The following BRCA2 variants were observed in gnomAD, a reference collection of about 807,000 sequenced individuals.
BRCA2 encodes breast cancer type 2 susceptibility protein.
Under a neutral mutation model 276.7 loss-of-function variants are expected in BRCA2, and 203 were observed. The observed-to-expected ratio is 0.73, with a 90% confidence interval of 0.65 to 0.82. The LOEUF is 0.82. Among genes scored for constraint, BRCA2 ranks in the 40% least tolerant of loss-of-function variants. The pLI, the probability that BRCA2 is intolerant of heterozygous loss-of-function variation, is 0.00. For synonymous variants in BRCA2, 1,289 were observed against 1,338.4 expected, an observed-to-expected ratio of 0.96 and a Z score of 0.81; for missense variants, 3,920 against 3,915.0, an observed-to-expected ratio of 1.00 and a Z score of -0.03.
intron 9 of BRCA2, 37 bp downstream of exon 9, chr13:32,331,067 G>A (rs1354779950): frequency 6.8e-7 from 1 of 1,462,850 alleles, no homozygotes; most frequent in Non-Finnish European, 9.5e-7. Flanking sequence ...AGGTTTTTTT[G>A]TTGTTGTTGT....
Position 32,394,153 on chromosome 13 carries a change from C to G in BRCA2, c.9257-536C>G, listed in dbSNP as rs7324145. On this transcript the variant is annotated intron_variant, in intron 24 of 26. Transcript: ENST00000380152. ...CTTTTTTTACAGCTACGTGGTACAC[C>G]ATTGTTTGGATGTACCACAGTTTAT... is the stretch of plus-strand genomic sequence containing the variant. 9.6e-3 allele frequency among the ~76,000 whole-genome samples: 1,455 copies of G among 152,216 alleles called. 26 individuals carry two copies. Among genetic ancestry groups the G allele is most frequent in the African/African-American group, 0.034 (1,398 of 41,526 alleles).
At chr13:32,360,395 T>C (rs1288625265) in intron 16 of BRCA2, among the ~76,000 whole-genome samples, 2 of 152,222 alleles carry the variant, frequency 1.3e-5, no homozygotes, top group Admixed American at 1.3e-4. Context: ...AGTCTCACTC[T>C]ATTGCTCAGG....
rs398122572 is a variant in BRCA2, at chr13:32,330,931, T to C, written c.694T>C (p.Tyr232His). ...PHDTTANVKS[Y>H]FSNHDESLKK... ...ATAATTTTTGCAGAATGTGAAAAGC[T>C]ATTTTTCCAATCATGATGAAAGTCT... Residue 232 changes from tyrosine to histidine, a missense_variant, in exon 9 of 27, where the codon TAT becomes CAT. Physicochemically the swap from Tyr to His is moderately conservative, Grantham distance 83 (BLOSUM62 2). Transcript: ENST00000380152. 18 of 1,609,300 alleles carry C rather than the reference T, an allele frequency of 1.1e-5. No homozygotes were observed. Among genetic ancestry groups the C allele is most frequent in the Non-Finnish European group, 1.4e-5 (17 of 1,175,982 alleles).
intron 2 of BRCA2, among the ~76,000 whole-genome samples, chr13:32,318,249 G>A (rs1373289830): frequency 6.6e-6 from 1 of 152,106 alleles, no homozygotes; most frequent in African/African-American, 2.4e-5. Flanking sequence ...ATTCCATAGC[G>A]TTATTATGAA....
intron 3 of BRCA2, among the ~76,000 whole-genome samples, chr13:32,322,475 CCG>C (rs1174416438): frequency 1.8e-4 from 28 of 152,228 alleles, no homozygotes; most frequent in Non-Finnish European, 2.4e-4. Context: ...AAGGGCTGGG[CCG>C]AAGTAAAGGG....
rs1008548913 is a variant in BRCA2 at position 32,315,516 on chromosome 13, A to C, written c.-191A>C. ...TTCTGAAACTAGGCGGCAGAGGCGG[A>C]GCCGCTGTGGCACTGCTGCGCCTCT... On this transcript the variant is annotated 5_prime_UTR_variant, in exon 1 of 27. Coordinates refer to ENST00000380152, the MANE Select transcript of BRCA2 (RefSeq NM_000059.4). The C allele has an allele frequency of 6.6e-6, 1 of 152,256 alleles. No individual in the cohort carries two copies. The highest frequency in any genetic ancestry group is 2.4e-5 in the African/African-American group (1 of 41,452). 9.4% of individuals were successfully genotyped at this position (152,256 alleles called of 1,614,324 possible).
chr13:32,330,937 T>A lies in BRCA2; in HGVS notation c.700T>A (p.Ser234Thr), dbSNP rs2072384958. ...TTTGCAGAATGTGAAAAGCTATTTT[T>A]CCAATCATGATGAAAGTCTGAAGAA... ...DTTANVKSYF[S>T]NHDESLKKND... The change falls in exon 9 of 27, where the codon TCC becomes ACC. Residue 234 changes from serine to threonine, a missense_variant. By Grantham distance (58) the Ser-to-Thr change is moderately conservative. This residue lies in a region of BRCA2 where 3,263 missense variants were observed against 3,156.9 expected (regional missense o/e 1.03). Coordinates refer to ENST00000380152, the MANE Select transcript of BRCA2 (RefSeq NM_000059.4). The A allele has an allele frequency of 6.2e-7, 1 of 1,611,458 alleles. No individual in the cohort carries two copies. The highest frequency in any genetic ancestry group is 8.5e-7 in the Non-Finnish European group (1 of 1,177,968).
rs2137515680 is a variant in BRCA2 at position 32,339,614 on chromosome 13, T to C, written c.5259T>C (p.Ser1753=). ...TGTCTAACAGCTATTCCTACCATTC[T>C]GATGAGGTATATAATGATTCAGGAT... ...SSMSNSYSYH[S]DEVYNDSGYL... Residue 1753 remains serine, a synonymous_variant, in exon 11 of 27, where the codon TCT becomes TCC. Coordinates refer to ENST00000380152, the MANE Select transcript of BRCA2 (RefSeq NM_000059.4). 1 of 1,611,844 alleles carries C rather than the reference T, an allele frequency of 6.2e-7. No homozygotes were observed. The highest frequency in any genetic ancestry group is 8.5e-7 in the Non-Finnish European group (1 of 1,178,416).
chr13:32,368,001 C>CTTTTTT lies in BRCA2; in HGVS notation c.8332-2370_8332-2365dup, dbSNP rs71071031. ...ATTAGGGTTGTCTTTTCTTCTAATTCTTTTTTTTTTTTTTTTTTTTTTTTT... is the reference window on the plus strand; with the variant it reads ...ATTAGGGTTGTCTTTTCTTCTAATTCTTTTTTTTTTTTTTTTTTTTTTTTTTTTTTT... On this transcript the variant is annotated intron_variant, in intron 18 of 26. Coordinates refer to ENST00000380152, the MANE Select transcript of BRCA2 (RefSeq NM_000059.4). Among the ~76,000 whole-genome samples the CTTTTTT allele has an allele frequency of 2.2e-4, 11 of 50,768 alleles. 3 individuals are homozygous for CTTTTTT. The highest frequency in any genetic ancestry group is 5.7e-4 in the African/African-American group (7 of 12,230). 33.3% of individuals were successfully genotyped at this position (50,768 alleles called of 152,430 possible).
chr13:32,350,054 C>T (rs1322549827), intron 13 of BRCA2, among the ~76,000 whole-genome samples: 1 of 152,090 alleles, frequency 6.6e-6, no homozygotes, highest in Non-Finnish European at 1.5e-5. Flanking sequence ...GCTTCCAGAA[C>T]ATAGACAGCT....
intron 2 of BRCA2, among the ~76,000 whole-genome samples, chr13:32,318,478 G>A (rs1204246819): frequency 6.7e-6 from 1 of 149,880 alleles, no homozygotes; most frequent in Non-Finnish European, 1.5e-5. Flanking sequence ...GTCTTGCTCT[G>A]TTGCCCAGGC....
At chr13:32,315,988 TA>T (rs1293593110) in intron 1 of BRCA2, among the ~76,000 whole-genome samples, 5 of 152,224 alleles carry the variant, frequency 3.3e-5, no homozygotes, top group Non-Finnish European at 4.4e-5. Flanking sequence ...ACGATCACTT[TA>T]ACGGAATATT....
In BRCA2 at chr13:32,368,706, C is replaced by T. The variant is rs2137592773; in HGVS notation, c.8332-1696C>T. ...CAAATATCAGTGACTGTTCTGAGAG[C>T]TGAGCAGAGTAAGGAAATTAATAGG... On this transcript the variant is annotated intron_variant, in intron 18 of 26. Transcript: ENST00000380152. Among the ~76,000 whole-genome samples, 3 of 151,874 alleles carry T rather than the reference C, an allele frequency of 2.0e-5. 1 individual carries two copies. In the Middle Eastern group the frequency reaches 0.01, roughly 517 times the overall value.
intron 10 of BRCA2, among the ~76,000 whole-genome samples, chr13:32,336,044 G>C (rs1315957012): frequency 6.6e-6 from 1 of 151,582 alleles, no homozygotes; most frequent in African/African-American, 2.4e-5. Flanking sequence ...ACCACACCCA[G>C]CTAATTTTTA....
intron 3 of BRCA2, among the ~76,000 whole-genome samples, chr13:32,320,337 A>C (rs1164017268): frequency 6.6e-6 from 1 of 152,174 alleles, no homozygotes; most frequent in Admixed American, 6.5e-5. Context: ...TATGGCTTTC[A>C]AGTTCCTTTG....
chr13:32,341,270 T>C, intron 11 of BRCA2, 74 bp downstream of exon 11: 1 of 1,586,372 alleles, frequency 6.3e-7, no homozygotes, highest in Non-Finnish European at 8.6e-7. Flanking sequence ...CTTGGTATGC[T>C]AACAATTAAG....
chr13:32,341,588 A>C (rs1369124951), intron 11 of BRCA2, among the ~76,000 whole-genome samples: 1 of 152,262 alleles, frequency 6.6e-6, no homozygotes, highest in Non-Finnish European at 1.5e-5. Flanking sequence ...TAGCAAGTTC[A>C]GACTCTGACT....
chr13:32,351,120 C>T (rs1853521), intron 13 of BRCA2, among the ~76,000 whole-genome samples: 3 of 152,052 alleles, frequency 2.0e-5, no homozygotes, highest in Non-Finnish European at 4.4e-5. Flanking sequence ...AGCAGCCGCT[C>T]GGCTCCACTT....
intron 21 of BRCA2, among the ~76,000 whole-genome samples, chr13:32,378,295 A>G (rs980794242): frequency 6.6e-6 from 1 of 152,202 alleles, no homozygotes; most frequent in Non-Finnish European, 1.5e-5. Context: ...ACCTTCTATC[A>G]AGGGAAAACC....
Sources: allele counts gnomAD v4.1 joint callset (sites outside exome capture counted in the v4.1 genomes callset), GRCh38; gene constraint gnomAD v4.1.1; regional missense constraint gnomAD v4.1.1; transcripts MANE v1.5; gene names NCBI Gene and HGNC (gene_info 2026-07-23, HGNC 2026-07-21).